The following MYO1E variants were observed in gnomAD, a reference collection of about 807,000 sequenced individuals.
The protein encoded by MYO1E is myosin IE.
A neutral mutation model predicts 151.1 loss-of-function variants in MYO1E; 68 were observed. The observed-to-expected ratio is 0.45, with a 90% CI of 0.37 to 0.55. The LOEUF is 0.55. Ranked by LOEUF, MYO1E falls within the 20% of genes least tolerant of loss-of-function variation. The probability of loss-of-function intolerance (pLI) is 0.00; values close to 1 mark genes in which losing one functional copy is unlikely to be tolerated. For synonymous variants in MYO1E, 601 were observed against 501.7 expected (o/e 1.20, Z -2.64); for missense variants, 1,363 against 1,389.3 (o/e 0.98, Z 0.30).
chr15:59,285,645 G>A (rs1040305675), intron 1 of MYO1E, among the ~76,000 whole-genome samples: 16 of 151,658 alleles, frequency 1.1e-4, no homozygotes, highest in African/African-American at 1.5e-4. Context: ...CACCACGCCC[G>A]ACTAGACACT....
At chr15:59,151,927 G>C (rs2079482689) in intron 26 of MYO1E, among the ~76,000 whole-genome samples, 1 of 150,318 alleles carries the variant, frequency 6.7e-6, no homozygotes, top group South Asian at 2.1e-4. Flanking sequence ...AATTAGCCGG[G>C]CATGGTGGCA....
rs546652702 is a variant in MYO1E at position 59,354,239 on chromosome 15, G to A, written c.3+18259C>T. Reference sequence around the variant, plus strand: ...CCATTAGCCTGTCTCCTTTGAGACCGTCCTGGCCTTTGGAGGAGAGCAATA... The same window carrying A: ...CCATTAGCCTGTCTCCTTTGAGACCATCCTGGCCTTTGGAGGAGAGCAATA... On this transcript the variant is annotated intron_variant, in intron 1 of 27. Transcript: ENST00000288235. Among the ~76,000 whole-genome samples, 34 of 152,348 alleles carry A rather than the reference G, an allele frequency of 2.2e-4. No homozygotes were observed. In the South Asian group the frequency reaches 2.9e-3, roughly 13 times the overall value.
intron 1 of MYO1E, among the ~76,000 whole-genome samples, chr15:59,303,527 T>C (rs1380232522): frequency 6.6e-6 from 1 of 152,010 alleles, no homozygotes; most frequent in African/African-American, 2.4e-5. Flanking sequence ...AGACTCTGTC[T>C]AAAAATAAAG....
intron 26 of MYO1E, among the ~76,000 whole-genome samples, chr15:59,141,706 G>A (rs2079410375): frequency 6.6e-5 from 10 of 150,938 alleles, no homozygotes; most frequent in Admixed American, 6.6e-4. Flanking sequence ...GCTGAGGCAG[G>A]AGAATCGCTT....
chr15:59,251,339 G>A (rs1228016150), intron 4 of MYO1E, among the ~76,000 whole-genome samples: 2 of 152,164 alleles, frequency 1.3e-5, no homozygotes, highest in African/African-American at 2.4e-5. Flanking sequence ...TGTAAATGAT[G>A]TCTGTAGGAA....
intron 1 of MYO1E, among the ~76,000 whole-genome samples, chr15:59,365,298 C>T (rs1332978020): frequency 2.0e-5 from 3 of 152,062 alleles, no homozygotes; most frequent in African/African-American, 7.2e-5. Flanking sequence ...GGATTACGGG[C>T]GTTAGCCACC....
rs2079356671 is a variant in MYO1E at position 59,133,694 on chromosome 15, C to T, written c.*3686G>A. ...TCACAAAAGTGAGGGGTGCCAGAAA[C>T]ACAGAGTTAAATTGTCTACCAAAGA... On this transcript the variant is annotated 3_prime_UTR_variant, in exon 28 of 28. Transcript: ENST00000288235. 6.6e-6 allele frequency: 1 copy of T among 152,164 alleles called. No individual in the cohort carries two copies. Among genetic ancestry groups the T allele is most frequent in the African/African-American group, 2.4e-5 (1 of 41,422 alleles). The allele number at this position is 152,164 out of a possible 1,614,324, so 9.4% of individuals were successfully genotyped here.
chr15:59,183,359 T>C (rs2140322703), intron 18 of MYO1E, among the ~76,000 whole-genome samples: 1 of 152,070 alleles, frequency 6.6e-6, no homozygotes, highest in African/African-American at 2.4e-5. Context: ...TTTTTTTTTT[T>C]TTTCTTGTTT....
intron 3 of MYO1E, among the ~76,000 whole-genome samples, 171 bp downstream of exon 3, chr15:59,261,249 A>T (rs1191485957): frequency 1.3e-5 from 2 of 151,348 alleles, no homozygotes; most frequent in South Asian, 2.1e-4. Flanking sequence ...AATAAAAATT[A>T]AAAAATAAAA....
intron 9 of MYO1E, among the ~76,000 whole-genome samples, chr15:59,221,008 T>TAA (rs1566983331): frequency 7.0e-6 from 1 of 143,774 alleles, no homozygotes; most frequent in Admixed American, 7.0e-5. Context: ...ATTATATATA[T>TAA]AATATATATA....
chr15:59,347,428 G>A (rs760933914), intron 1 of MYO1E, among the ~76,000 whole-genome samples: 1 of 152,166 alleles, frequency 6.6e-6, no homozygotes. Context: ...GAGGGTTCAT[G>A]CTACTCCAAC....
chr15:59,248,295 C>G (rs771502093), intron 4 of MYO1E, among the ~76,000 whole-genome samples: 1 of 151,310 alleles, frequency 6.6e-6, no homozygotes, highest in Non-Finnish European at 1.5e-5. Context: ...ACCAGCCTGG[C>G]CAACATGGTG....
intron 1 of MYO1E, among the ~76,000 whole-genome samples, chr15:59,314,191 C>T (rs1180012904): frequency 6.6e-6 from 1 of 152,214 alleles, no homozygotes; most frequent in Non-Finnish European, 1.5e-5. Flanking sequence ...GCTATGTGCA[C>T]TTAGGCAGCC....
chr15:59,253,283 GAACT>G (rs1328502521), intron 4 of MYO1E, among the ~76,000 whole-genome samples: 2 of 152,088 alleles, frequency 1.3e-5, no homozygotes, highest in African/African-American at 2.4e-5. Context: ...CCAAGCAAAA[GAACT>G]AATAACTGCA....
chr15:59,366,997 C>CA (rs66848377), intron 1 of MYO1E, among the ~76,000 whole-genome samples: 654 of 28,558 alleles, frequency 0.023, 5 homozygotes, highest in African/African-American at 0.031. Flanking sequence ...TGCATTTTCG[C>CA]AAAAAAAAAA....
At chr15:59,295,474 G>A (rs1169294534) in intron 1 of MYO1E, among the ~76,000 whole-genome samples, 1 of 152,192 alleles carries the variant, frequency 6.6e-6, no homozygotes, top group Non-Finnish European at 1.5e-5. Flanking sequence ...CTGAGTACTT[G>A]GCACTACAGA....
At chr15:59,298,493 C>A (rs2080464086) in intron 1 of MYO1E, among the ~76,000 whole-genome samples, 1 of 152,128 alleles carries the variant, frequency 6.6e-6, no homozygotes, top group African/African-American at 2.4e-5. Flanking sequence ...ATGGCCCAGA[C>A]AGCACTGTGG....
chr15:59,254,106 T>C (rs2080180933), intron 4 of MYO1E, among the ~76,000 whole-genome samples: 1 of 152,106 alleles, frequency 6.6e-6, no homozygotes, highest in African/African-American at 2.4e-5. Flanking sequence ...AAAAGAATTC[T>C]TCCTGTTTAA....
intron 1 of MYO1E, chr15:59,359,836 T>G (rs2080875750): frequency 6.6e-6 from 1 of 152,206 alleles, no homozygotes; most frequent in Admixed American, 6.5e-5. Flanking sequence ...TGGCTGGAGA[T>G]GCCTACAGCG....
Sources: gnomAD v4.1 joint callset for allele counts (sites outside exome capture counted in the v4.1 genomes callset) on GRCh38, gnomAD v4.1.1 for gene constraint, MANE v1.5 for transcripts, NCBI Gene and HGNC (gene_info 2026-07-23, HGNC 2026-07-21) for gene names.